The following MN1 variants were observed in gnomAD, a reference collection of about 807,000 sequenced individuals.
The protein encoded by MN1 is MN1 proto-oncogene, transcriptional regulator, also known as transcriptional activator MN1.
In MN1, 19 loss-of-function variants were observed where a neutral mutation model predicts 86.9. That is an observed-to-expected ratio of 0.22 (90% CI 0.15 to 0.32). The LOEUF (loss-of-function observed/expected upper bound fraction) is 0.32, where lower values mean the gene tolerates loss of function less well. Ranked by LOEUF, MN1 falls within the 10% of genes least tolerant of loss-of-function variation. The probability of loss-of-function intolerance (pLI) is 1.00; values close to 1 mark genes in which losing one functional copy is unlikely to be tolerated. For synonymous variants in MN1, 928 were observed against 849.6 expected (o/e 1.09, Z -1.60); for missense variants, 1,841 against 1,862.0 (o/e 0.99, Z 0.21).
chr22:27,799,485 C>CGGGGGCTGCTGCTGA lies in MN1; in HGVS notation c.1044_1058dup (p.Gln351_Gln355dup). Reference sequence around the variant, plus strand: ...GCGGCTGCTGCTGTGGCGGCTGCTGCGGGGGCTGCTGCTGAGGGGGTGGCG... The same window carrying CGGGGGCTGCTGCTGA: ...GCGGCTGCTGCTGTGGCGGCTGCTGCGGGGGCTGCTGCTGAGGGGGCTGCTGCTGAGGGGGTGGCG... On this transcript the variant is annotated inframe_insertion, in exon 1 of 2. Transcript: ENST00000302326. The CGGGGGCTGCTGCTGA allele has an allele frequency of 2.1e-6, 3 of 1,452,776 alleles. No individual in the cohort carries two copies. The highest frequency in any genetic ancestry group is 2.5e-5 in the East Asian group (1 of 39,660). The allele number at this position is 1,452,776 out of a possible 1,614,324, so 90.0% of individuals were successfully genotyped here. A position where few individuals can be genotyped will look rare whatever the true frequency, so the allele number is the denominator to read the frequency against.
At chr22:27,768,651 T>G (rs1352868271) in intron 1 of MN1, among the ~76,000 whole-genome samples, 1 of 152,066 alleles carries the variant, frequency 6.6e-6, no homozygotes, top group African/African-American at 2.4e-5. Flanking sequence ...AAATAAAATT[T>G]GAAAATTGGC....
chr22:27,798,945 T>TGTTGC lies in MN1; in HGVS notation c.1598_1599insGCAAC (p.Gln535HisfsTer25), dbSNP rs1933372448. 14 of 1,539,676 alleles carry TGTTGC rather than the reference T, an allele frequency of 9.1e-6. No individual in the cohort carries two copies. Among genetic ancestry groups the TGTTGC allele is most frequent in the Admixed American group, 7.5e-5 (4 of 53,244 alleles). Reference sequence around the variant, plus strand: ...GCTGTTGCTGCTGCTGCTGCTGCTGTTGCTGCTGCTGCTGCTGCTGCTGCT... The same window carrying TGTTGC: ...GCTGTTGCTGCTGCTGCTGCTGCTGTGTTGCTGCTGCTGCTGCTGCTGCTGCTGCT... On this transcript the variant is annotated frameshift_variant, in exon 1 of 2. Coordinates refer to ENST00000302326, the MANE Select transcript of MN1 (RefSeq NM_002430.3). LOFTEE classifies it high-confidence loss of function.
At position 27,798,900 on chromosome 22, in the gene MN1, CTGCTGCTGCTGT is replaced by C. The variant is rs1568985111; in HGVS notation, c.1632_1643del (p.Gln547_Gln550del). ...TGAGGGCCGCGTTTTGGCGCTGCTG[CTGCTGCTGCTGT>C]TGCTGTTGCTGTTGCTGCTGCTGCT... is the stretch of plus-strand genomic sequence containing the variant. On this transcript the variant is annotated inframe_deletion, in exon 1 of 2. Coordinates refer to ENST00000302326, the MANE Select transcript of MN1 (RefSeq NM_002430.3). 1.3e-6 allele frequency: 2 copies of C among 1,554,988 alleles called. No individual in the cohort carries two copies. Among genetic ancestry groups the C allele is most frequent in the Non-Finnish European group, 1.7e-6 (2 of 1,150,886 alleles).
At chr22:27,793,734 C>T (rs539612751) in intron 1 of MN1, among the ~76,000 whole-genome samples, 1 of 152,312 alleles carries the variant, frequency 6.6e-6, no homozygotes, top group Admixed American at 6.5e-5. Flanking sequence ...CAAGTTCCCT[C>T]CCCTCCAAAG....
In MN1 at chr22:27,784,387, A is replaced by C. The variant is rs1387461426; in HGVS notation, c.3781+12376T>G. 2.0e-5 allele frequency among the ~76,000 whole-genome samples: 3 copies of C among 152,182 alleles called. No homozygotes were observed. The East Asian group carries it at 5.8e-4, about 29-fold the overall frequency. On this transcript the variant is annotated intron_variant, in intron 1 of 1. Coordinates refer to ENST00000302326, the MANE Select transcript of MN1 (RefSeq NM_002430.3). ...TCTATTTCAGCCTCAATGTGGATGG[A>C]CTGTCAAAAAACACAACCGCCATTA...
chr22:27,794,764 G>A (rs559871953), intron 1 of MN1, among the ~76,000 whole-genome samples: 1 of 152,038 alleles, frequency 6.6e-6, no homozygotes, highest in South Asian at 2.1e-4. Flanking sequence ...TAAAAGACTT[G>A]AAGATGAAGT....
chr22:27,793,659 G>A lies in MN1; in HGVS notation c.3781+3104C>T, dbSNP rs150403339. Among the ~76,000 whole-genome samples the A allele has an allele frequency of 1.1e-4, 16 of 152,074 alleles. No individual in the cohort carries two copies. The East Asian group carries it at 3.1e-3, about 29-fold the overall frequency. ...TTGGAGAGACTAGCTAGATTTCCTG[G>A]TTTAAAAAAATCATCATCCCATGTG... is the stretch of plus-strand genomic sequence containing the variant. On this transcript the variant is annotated intron_variant, in intron 1 of 1. Coordinates refer to ENST00000302326, the MANE Select transcript of MN1 (RefSeq NM_002430.3).
intron 1 of MN1, among the ~76,000 whole-genome samples, chr22:27,779,798 G>A (rs570738541): frequency 1.3e-5 from 2 of 152,248 alleles, no homozygotes; most frequent in African/African-American, 2.4e-5. Context: ...CACCTCCTCG[G>A]GCTGGCCCCA....
intron 1 of MN1, among the ~76,000 whole-genome samples, chr22:27,760,996 C>T (rs757919615): frequency 6.6e-6 from 1 of 152,122 alleles, no homozygotes; most frequent in Non-Finnish European, 1.5e-5. Context: ...CTCAAGGAGG[C>T]GATGCCACAG....
chr22:27,783,834 G>A (rs1182876258), intron 1 of MN1, among the ~76,000 whole-genome samples: 6 of 152,274 alleles, frequency 3.9e-5, no homozygotes, highest in South Asian at 4.1e-4. Context: ...AAGTCTGGAC[G>A]TCTAAGCTGC....
At chr22:27,752,168 G>A (rs1270838576) in intron 1 of MN1, among the ~76,000 whole-genome samples, 1 of 152,114 alleles carries the variant, frequency 6.6e-6, no homozygotes, top group Non-Finnish European at 1.5e-5. Flanking sequence ...CTCCGCAAAG[G>A]GACCCGAGGC....
chr22:27,788,139 CA>C (rs1044785447), intron 1 of MN1, among the ~76,000 whole-genome samples: 43 of 152,198 alleles, frequency 2.8e-4, no homozygotes, highest in Admixed American at 1.5e-3. Flanking sequence ...CCCCAAGAGT[CA>C]GTAAACGACA....
At chr22:27,763,452 T>C (rs1932847840) in intron 1 of MN1, among the ~76,000 whole-genome samples, 2 of 152,138 alleles carry the variant, frequency 1.3e-5, no homozygotes, top group Admixed American at 6.5e-5. Flanking sequence ...GAGGCCTGAG[T>C]TTGAAATCCA....
At position 27,753,215 on chromosome 22, in the gene MN1, C is replaced by T. The variant is rs549398331; in HGVS notation, c.3782-2119G>A. 2.3e-4 allele frequency among the ~76,000 whole-genome samples: 35 copies of T among 152,298 alleles called. 1 individual carries two copies. Among genetic ancestry groups the T allele is most frequent in the Admixed American group, 2.2e-3 (33 of 15,306 alleles). Reference sequence around the variant, plus strand: ...TTCTATATGCCAGGCATGGTACAAACCCTATGGATCTAGCATGGAATAGGA... The same window carrying T: ...TTCTATATGCCAGGCATGGTACAAATCCTATGGATCTAGCATGGAATAGGA... On this transcript the variant is annotated intron_variant, in intron 1 of 1. Transcript: ENST00000302326.
rs954272588 is a variant in MN1, at chr22:27,748,578, C to T, written c.*2337G>A. 3 of 207,730 alleles carry T rather than the reference C, an allele frequency of 1.4e-5. No individual in the cohort carries two copies. The highest frequency in any genetic ancestry group is 3.8e-4 in the South Asian group (2 of 5,302). 12.9% of individuals were successfully genotyped at this position (207,730 alleles called of 1,614,324 possible). A position where few individuals can be genotyped will look rare whatever the true frequency, so the allele number is the denominator to read the frequency against. ...TTCCCAAAGAGTTTGCTATGCAGTACTGATTACCAGTGTTCGGAGTCTAGT... is the reference window on the plus strand; with the variant it reads ...TTCCCAAAGAGTTTGCTATGCAGTATTGATTACCAGTGTTCGGAGTCTAGT... On this transcript the variant is annotated 3_prime_UTR_variant, in exon 2 of 2. Transcript: ENST00000302326.
intron 1 of MN1, among the ~76,000 whole-genome samples, chr22:27,763,895 GGAAGACTT>G (rs1932850654): frequency 6.6e-6 from 1 of 152,216 alleles, no homozygotes; most frequent in Non-Finnish European, 1.5e-5. Context: ...TGGGGATCCT[GGAAGACTT>G]CACAGAGGAG....
At position 27,749,921 on chromosome 22, in the gene MN1, G is replaced by A. The variant is rs1932747141; in HGVS notation, c.*994C>T. 4.3e-6 allele frequency: 1 copy of A among 231,126 alleles called. No individual in the cohort carries two copies. The highest frequency in any genetic ancestry group is 5.7e-5 in the Admixed American group (1 of 17,686). The allele number at this position is 231,126 out of a possible 1,614,324, so 14.3% of individuals were successfully genotyped here. On this transcript the variant is annotated 3_prime_UTR_variant, in exon 2 of 2. Transcript: ENST00000302326. Reference sequence around the variant, plus strand: ...CCGGCCAGGAACAGCTTTCAGAAAAGGGAAAGGGCTGAGAACAGCCTCCTC... The same window carrying A: ...CCGGCCAGGAACAGCTTTCAGAAAAAGGAAAGGGCTGAGAACAGCCTCCTC...
Position 27,796,898 on chromosome 22 carries a change from G to A in MN1, c.3646C>T (p.Leu1216=). ...AVKSAMSTID[L]DSLMAEHSAA... ...CTGTGCTCTGCCATCAGCGAGTCCA[G>A]GTCAATGGTGCTCATGGCGCTCTTG... Residue 1216 remains leucine (L), a synonymous_variant, in exon 1 of 2, where the codon CTG becomes TTG. Coordinates refer to ENST00000302326, the MANE Select transcript of MN1 (RefSeq NM_002430.3). The A allele has an allele frequency of 6.2e-7, 1 of 1,613,106 alleles. No individual in the cohort carries two copies. The highest frequency in any genetic ancestry group is 1.7e-5 in the Admixed American group (1 of 60,010).
At position 27,751,026 on chromosome 22, in the gene MN1, G is replaced by A. The variant is rs995328407; in HGVS notation, c.3852C>T (p.His1284=). ...TGGCGTCACCCACGTCGTCTGTGCA[G>A]TGGACAGACAGGCACTGCAAGTGGC... ...PGSHLQCLSV[H]CTDDVGDAKA... is the part of the protein sequence containing the mutation. The change falls in exon 2 of 2, where the codon CAC becomes CAT. Residue 1284 remains histidine, a synonymous_variant. Coordinates refer to ENST00000302326, the MANE Select transcript of MN1 (RefSeq NM_002430.3). 3.7e-6 allele frequency: 6 copies of A among 1,611,296 alleles called. No homozygotes were observed. The highest frequency in any genetic ancestry group is 1.7e-5 in the Admixed American group (1 of 59,548).
Sources: gnomAD v4.1 joint callset for allele counts (sites outside exome capture counted in the v4.1 genomes callset) on GRCh38, gnomAD v4.1.1 for gene constraint, MANE v1.5 for transcripts, NCBI Gene and HGNC (gene_info 2026-07-23, HGNC 2026-07-21) for gene names.